The following ZDHHC22 variants were observed in gnomAD, a reference collection of about 807,000 sequenced individuals.
ZDHHC22 encodes the protein zDHHC palmitoyltransferase 22, also known as palmitoyltransferase ZDHHC22.
A neutral mutation model predicts 17.0 loss-of-function variants in ZDHHC22; 13 were observed. The ratio of observed to expected loss-of-function variants is 0.76; its 90% CI spans 0.50 to 1.21. ZDHHC22 has a LOEUF of 1.21. Among genes scored for constraint, ZDHHC22 ranks in the 50% most tolerant of loss-of-function variants. ZDHHC22 has a pLI of 0.00. For synonymous variants in ZDHHC22, 138 were observed against 154.7 expected (o/e 0.89, Z 0.80); for missense variants, 319 against 342.3 (o/e 0.93, Z 0.54).
chr14:77,139,509 C>T lies in ZDHHC22; in HGVS notation c.230G>A (p.Gly77Glu), dbSNP rs773443273. The change falls in exon 2 of 3, where the codon GGG becomes GAG. Residue 77 changes from glycine (G) to glutamate (E), a missense_variant. Coordinates refer to ENST00000319374, the MANE Select transcript of ZDHHC22 (RefSeq NM_174976.2). ...LVIQNSPDDL[G>E]ACQGASARKT... ...CCTGGCCGAGGCCCCCTGGCAGGCC[C>T]CCAGGTCGTCTGGGGAGTTCTGGAT... is the stretch of plus-strand genomic sequence containing the variant. 4 of 1,611,848 alleles carry T rather than the reference C, an allele frequency of 2.5e-6. No individual in the cohort carries two copies. The highest frequency in any genetic ancestry group is 2.2e-5 in the East Asian group (1 of 44,830).
In ZDHHC22 at chr14:77,139,463, A is replaced by G. The variant is rs1177486143; in HGVS notation, c.276T>C (p.Pro92=). ...ASARKTPCPS[P]STHFCRVCAR... Reference sequence around the variant, plus strand: ...CGCACACTCGGCAGAAGTGGGTGCTAGGTGAGGGGCATGGAGTCTTCCTGG... The same window carrying G: ...CGCACACTCGGCAGAAGTGGGTGCTGGGTGAGGGGCATGGAGTCTTCCTGG... The change falls in exon 2 of 3, where the codon CCT becomes CCC. Residue 92 remains proline, a synonymous_variant. Coordinates refer to ENST00000319374, the MANE Select transcript of ZDHHC22 (RefSeq NM_174976.2). The G allele has an allele frequency of 6.2e-7, 1 of 1,613,034 alleles. No individual in the cohort carries two copies. Among genetic ancestry groups the G allele is most frequent in the Non-Finnish European group, 8.5e-7 (1 of 1,179,630 alleles).
In ZDHHC22 at chr14:77,132,812, T is replaced by TCACACACACA. The variant is rs1167454330; in HGVS notation, c.*870_*871insTGTGTGTGTG. The TCACACACACA allele has an allele frequency of 1.2e-5, 1 of 84,108 alleles. No homozygotes were observed. The highest frequency in any genetic ancestry group is 2.2e-5 in the Non-Finnish European group (1 of 45,004). The allele number at this position is 84,108 out of a possible 1,614,324, so 5.2% of individuals were successfully genotyped here. On this transcript the variant is annotated 3_prime_UTR_variant, in exon 3 of 3. Coordinates refer to ENST00000319374, the MANE Select transcript of ZDHHC22 (RefSeq NM_174976.2). ...ACCACCACCCATCTCTCTCTCTCTC[T>TCACACACACA]CTCTCACACACACACACACACACAC... is the stretch of plus-strand genomic sequence containing the variant.
chr14:77,133,543 T>G lies in ZDHHC22; in HGVS notation c.*140A>C. 8.5e-7 allele frequency: 1 copy of G among 1,179,000 alleles called. No individual in the cohort carries two copies. The highest frequency in any genetic ancestry group is 1.2e-6 in the Non-Finnish European group (1 of 861,206). 73.0% of individuals were successfully genotyped at this position (1,179,000 alleles called of 1,614,324 possible). On this transcript the variant is annotated 3_prime_UTR_variant, in exon 3 of 3. Coordinates refer to ENST00000319374, the MANE Select transcript of ZDHHC22 (RefSeq NM_174976.2). Reference sequence around the variant, plus strand: ...GATCCACCAGCTCACGCTGTTCTCATGGGTGGAAGGTGAGGGGAAGATGCT... The same window carrying G: ...GATCCACCAGCTCACGCTGTTCTCAGGGGTGGAAGGTGAGGGGAAGATGCT...
chr14:77,135,850 C>T (rs1436730818), intron 2 of ZDHHC22, among the ~76,000 whole-genome samples: 3 of 152,210 alleles, frequency 2.0e-5, no homozygotes, highest in African/African-American at 4.8e-5. Flanking sequence ...AAAGAACTTG[C>T]GGCCTTTTCT....
chr14:77,139,548 T>C lies in ZDHHC22; in HGVS notation c.191A>G (p.Asn64Ser), dbSNP rs932287712. The C allele has an allele frequency of 2.5e-6, 4 of 1,607,230 alleles. No individual in the cohort carries two copies. The African/African-American group carries it at 4.0e-5, about 16-fold the overall frequency. Residue 64 changes from asparagine (N) to serine (S), a missense_variant, in exon 2 of 3, where the codon AAT becomes AGT. Coordinates refer to ENST00000319374, the MANE Select transcript of ZDHHC22 (RefSeq NM_174976.2). ...GGAGTTCTGGATGACAAGGACGTAA[T>C]TGCCCAGGGCGTTGGCCGAGAGGAA... Reference protein sequence around the residue: ...FLFLSANALGNYVLVIQNSPD... With the variant: ...FLFLSANALGSYVLVIQNSPD...
Position 77,133,881 on chromosome 14 carries a change from G to A in ZDHHC22, c.594C>T (p.Ala198=), listed in dbSNP as rs1158151186. 58 of 1,612,744 alleles carry A rather than the reference G, an allele frequency of 3.6e-5. No homozygotes were observed. In the East Asian group the frequency reaches 1.3e-3, roughly 36 times the overall value. ...MLYLWFAIGL[A]CAGFCCHQLL... is the part of the protein sequence containing the mutation. ...GCTGGTGGCAGCAGAAGCCGGCGCA[G>A]GCCAGGCCGATGGCGAACCAGAGGT... The change falls in exon 3 of 3, where the codon GCC becomes GCT. Residue 198 remains alanine (A), a synonymous_variant. Transcript: ENST00000319374.
intron 1 of ZDHHC22, 41 bp downstream of exon 1, chr14:77,141,562 C>G (rs976001770): frequency 6.5e-6 from 1 of 154,434 alleles, no homozygotes; most frequent in African/African-American, 2.4e-5. Context: ...CCGCCGCCGC[C>G]GCACTGCCGC....
rs1235004978 is a variant in ZDHHC22 at position 77,133,491 on chromosome 14, T to TG, written c.*191dup. ...GGCTCGTGAGGAGCCTAGAAATGCCTGGGGGGACATTTTTCCTCCTTGTCA... is the reference window on the plus strand; with the variant it reads ...GGCTCGTGAGGAGCCTAGAAATGCCTGGGGGGGACATTTTTCCTCCTTGTCA... On this transcript the variant is annotated 3_prime_UTR_variant, in exon 3 of 3. Transcript: ENST00000319374. 23 of 779,730 alleles carry TG rather than the reference T, an allele frequency of 2.9e-5. No homozygotes were observed. The highest frequency in any genetic ancestry group is 4.2e-5 in the Non-Finnish European group (22 of 527,120). 48.3% of individuals were successfully genotyped at this position (779,730 alleles called of 1,614,324 possible). A position where few individuals can be genotyped will look rare whatever the true frequency, so the allele number is the denominator to read the frequency against.
rs1372595439 is a variant in ZDHHC22, at chr14:77,140,048, A to C, written c.-14-296T>G. On this transcript the variant is annotated intron_variant, in intron 1 of 2. Coordinates refer to ENST00000319374, the MANE Select transcript of ZDHHC22 (RefSeq NM_174976.2). The surrounding 1 kb of genome is among the most constrained non-coding windows in gnomAD (Gnocchi z 5.9). Reference sequence around the variant, plus strand: ...GCACAGGAGGGAGGGACTCGTTTGCAGTCTTTAGGAGTTGTGAGGGTGGGG... The same window carrying C: ...GCACAGGAGGGAGGGACTCGTTTGCCGTCTTTAGGAGTTGTGAGGGTGGGG... 1.3e-5 allele frequency among the ~76,000 whole-genome samples: 2 copies of C among 152,048 alleles called. No individual in the cohort carries two copies. The highest frequency in any genetic ancestry group is 4.8e-5 in the African/African-American group (2 of 41,400).
chr14:77,136,507 T>C (rs1887139242), intron 2 of ZDHHC22, among the ~76,000 whole-genome samples: 1 of 152,090 alleles, frequency 6.6e-6, no homozygotes, highest in Admixed American at 6.5e-5. Context: ...CATCTCCATT[T>C]CCCAGATAAG....
chr14:77,137,194 T>C (rs906805933), intron 2 of ZDHHC22, among the ~76,000 whole-genome samples: 3 of 152,030 alleles, frequency 2.0e-5, no homozygotes, highest in African/African-American at 2.4e-5. Context: ...AGAGGAAAGA[T>C]GAAAGGTCAC....
At chr14:77,138,375 C>A (rs1160066626) in intron 2 of ZDHHC22, among the ~76,000 whole-genome samples, 1 of 152,136 alleles carries the variant, frequency 6.6e-6, no homozygotes, top group Non-Finnish European at 1.5e-5. Context: ...CTGGCCAACA[C>A]AGTAAAACAC....
At chr14:77,137,832 A>G (rs1222172602) in intron 2 of ZDHHC22, among the ~76,000 whole-genome samples, 1 of 152,190 alleles carries the variant, frequency 6.6e-6, no homozygotes, top group Non-Finnish European at 1.5e-5. Flanking sequence ...ACCTCAAAAC[A>G]ATCTTGGGCT....
Position 77,133,466 on chromosome 14 carries a change from G to A in ZDHHC22, c.*217C>T, listed in dbSNP as rs1481914395. On this transcript the variant is annotated 3_prime_UTR_variant, in exon 3 of 3. Coordinates refer to ENST00000319374, the MANE Select transcript of ZDHHC22 (RefSeq NM_174976.2). ...CCTAACAGCTAGCAGCCACCTGGCT[G>A]GCTCGTGAGGAGCCTAGAAATGCCT... 4 of 602,224 alleles carry A rather than the reference G, an allele frequency of 6.6e-6. No homozygotes were observed. 37.3% of individuals were successfully genotyped at this position (602,224 alleles called of 1,614,324 possible).
Position 77,139,377 on chromosome 14 carries a change from C to G in ZDHHC22, c.362G>C (p.Arg121Thr), listed in dbSNP as rs372108359. Residue 121 changes from arginine (R) to threonine (T), a missense_variant, in exon 2 of 3, where the codon AGG (arginine) becomes ACG (threonine). Physicochemically the swap from Arg to Thr is moderately conservative, Grantham distance 71. Transcript: ENST00000319374. ...CFFTGNCIGS[R>T]NMRNFVLFCL... The stretch of plus-strand genomic sequence containing the variant: ...GAACAGGACGAAGTTGCGCATGTTC[C>G]TGCTGCCGATGCAGTTGCCGGTGAA... The G allele has an allele frequency of 2.7e-5, 44 of 1,604,946 alleles. No individual in the cohort carries two copies. The African/African-American group carries it at 4.9e-4, about 18-fold the overall frequency.
At chr14:77,135,748 C>T (rs1887125205) in intron 2 of ZDHHC22, among the ~76,000 whole-genome samples, 1 of 152,248 alleles carries the variant, frequency 6.6e-6, no homozygotes, top group South Asian at 2.1e-4. Flanking sequence ...AAGCTTGGGC[C>T]TGCCTTGCAA....
At position 77,131,638 on chromosome 14, in the gene ZDHHC22, G is replaced by C. The variant is rs1183888174; in HGVS notation, c.*2045C>G. ...CGACTCCTCCATTGAGGCAGCCTAG[G>C]CTTCCCCTCTTCAGCCATCTCTATC... On this transcript the variant is annotated 3_prime_UTR_variant, in exon 3 of 3. Coordinates refer to ENST00000319374, the MANE Select transcript of ZDHHC22 (RefSeq NM_174976.2). 1 of 152,206 alleles carries C rather than the reference G, an allele frequency of 6.6e-6. No homozygotes were observed. The highest frequency in any genetic ancestry group is 1.5e-5 in the Non-Finnish European group (1 of 68,038). 9.4% of individuals were successfully genotyped at this position (152,206 alleles called of 1,614,324 possible).
In ZDHHC22 at chr14:77,132,852, A is replaced by G. The variant is rs1749289713; in HGVS notation, c.*831T>C. 1.3e-5 allele frequency: 2 copies of G among 150,356 alleles called. No homozygotes were observed. Among genetic ancestry groups the G allele is most frequent in the Non-Finnish European group, 3.0e-5 (2 of 67,700 alleles). 9.3% of individuals were successfully genotyped at this position (150,356 alleles called of 1,614,324 possible). A position where few individuals can be genotyped will look rare whatever the true frequency, so the allele number is the denominator to read the frequency against. ...CACACACACACACACACACTTCCAT[A>G]TGGTTATACAGTCGAATATCCCCTT... On this transcript the variant is annotated 3_prime_UTR_variant, in exon 3 of 3. Coordinates refer to ENST00000319374, the MANE Select transcript of ZDHHC22 (RefSeq NM_174976.2).
intron 2 of ZDHHC22, among the ~76,000 whole-genome samples, chr14:77,135,403 G>C (rs1887118016): frequency 6.6e-6 from 1 of 152,112 alleles, no homozygotes; most frequent in African/African-American, 2.4e-5. Context: ...GGAGGATGTG[G>C]ATCTGATTTA....
Sources: gnomAD v4.1 joint callset for allele counts (sites outside exome capture counted in the v4.1 genomes callset) on GRCh38, gnomAD v4.1.1 for gene constraint, Gnocchi (gnomAD v3.1) non-coding constraint, MANE v1.5 for transcripts, NCBI Gene and HGNC (gene_info 2026-07-23, HGNC 2026-07-21) for gene names.